The following PCDHA10 variants were observed in gnomAD, a reference collection of about 807,000 sequenced individuals.
PCDHA10 encodes the protein protocadherin alpha 10.
A neutral mutation model predicts 61.2 loss-of-function variants in PCDHA10; 45 were observed. The observed-to-expected ratio is 0.74, with a 90% CI of 0.58 to 0.94. The LOEUF (loss-of-function observed/expected upper bound fraction) is 0.94. PCDHA10 is among the 40% of genes least tolerant of loss of function. The probability of loss-of-function intolerance (pLI) is 0.00; values close to 1 mark genes in which losing one functional copy is unlikely to be tolerated. For synonymous variants in PCDHA10, 602 were observed against 548.8 expected (o/e 1.10, Z -1.35); for missense variants, 1,278 against 1,236.2 (o/e 1.03, Z -0.51).
chr5:140,886,043 T>C (rs977275136), intron 1 of PCDHA10, among the ~76,000 whole-genome samples: 3 of 152,168 alleles, frequency 2.0e-5, no homozygotes, highest in Admixed American at 6.5e-5. Context: ...TTTTCCCCAA[T>C]AGTAACATCT....
intron 1 of PCDHA10, among the ~76,000 whole-genome samples, chr5:140,909,547 C>T (rs2074573960): frequency 1.3e-5 from 2 of 152,278 alleles, no homozygotes; most frequent in Non-Finnish European, 2.9e-5. Context: ...GATGGTGGCA[C>T]TAATCTCTGC....
At chr5:140,875,240 C>A in intron 1 of PCDHA10, 1 of 923,800 alleles carries the variant, frequency 1.1e-6, no homozygotes. Context: ...CTTGTACTTA[C>A]ATAATCAGTC....
chr5:140,857,745 C>T lies in PCDHA10; in HGVS notation c.1697C>T (p.Ala566Val). Residue 566 changes from alanine to valine, a missense_variant, in exon 1 of 4, where the codon GCG (alanine) becomes GTG (valine). Coordinates refer to ENST00000307360, the MANE Select transcript of PCDHA10 (RefSeq NM_018901.4). ...DENDNAPALLASPAGSAGGAV... is the reference protein window; with the variant it reads ...DENDNAPALLVSPAGSAGGAV... Reference sequence around the variant, plus strand: ...AACGACAACGCTCCCGCGCTGCTGGCGTCTCCCGCTGGCAGCGCGGGCGGT... The same window carrying T: ...AACGACAACGCTCCCGCGCTGCTGGTGTCTCCCGCTGGCAGCGCGGGCGGT... 5.0e-6 allele frequency: 8 copies of T among 1,597,310 alleles called. 1 individual carries two copies. Among genetic ancestry groups the T allele is most frequent in the South Asian group, 1.1e-5 (1 of 90,480 alleles).
intron 1 of PCDHA10, chr5:140,869,286 G>C: frequency 6.2e-7 from 1 of 1,613,616 alleles, no homozygotes; most frequent in Non-Finnish European, 8.5e-7. Flanking sequence ...AGCTGGTGCA[G>C]CGCCTGTTCC....
intron 1 of PCDHA10, chr5:140,969,176 G>T (rs1554231542): frequency 6.2e-7 from 1 of 1,614,102 alleles, no homozygotes; most frequent in African/African-American, 1.3e-5. Context: ...CTCAGGGAGT[G>T]ACACTTTCAT....
chr5:140,972,947 C>T (rs1287629621), intron 1 of PCDHA10, among the ~76,000 whole-genome samples: 1 of 152,096 alleles, frequency 6.6e-6, no homozygotes, highest in African/African-American at 2.4e-5. Context: ...CAGATGTGAG[C>T]CACCATGCCC....
rs782647115 is a variant in PCDHA10 at position 140,857,010 on chromosome 5, T to C, written c.962T>C (p.Val321Ala). Residue 321 changes from valine (V) to alanine (A), a missense_variant, in exon 1 of 4, where the codon GTT (valine) becomes GCT (alanine). Physicochemically the swap from Val to Ala is moderately conservative, Grantham distance 64. Transcript: ENST00000307360. ...AACACTTATGAAATTCATGTAGATG[T>C]TACAGATAAGGGAAACCCACCTATG... ...DSNTYEIHVD[V>A]TDKGNPPMVG... 1 of 1,595,968 alleles carries C rather than the reference T, an allele frequency of 6.3e-7. No homozygotes were observed. The highest frequency in any genetic ancestry group is 1.1e-5 in the South Asian group (1 of 90,504).
chr5:140,870,707 G>A, intron 1 of PCDHA10: 1 of 1,613,076 alleles, frequency 6.2e-7, no homozygotes, highest in Non-Finnish European at 8.5e-7. Context: ...TTCCAGGTGA[G>A]CGCGCGCGAT....
chr5:140,962,569 T>A (rs782016565), intron 1 of PCDHA10, among the ~76,000 whole-genome samples: 17 of 152,194 alleles, frequency 1.1e-4, no homozygotes, highest in African/African-American at 1.7e-4. Context: ...TAAAAGCCAA[T>A]TGTTAATGCC....
intron 1 of PCDHA10, among the ~76,000 whole-genome samples, chr5:140,897,735 C>G (rs2066294879): frequency 6.6e-6 from 1 of 152,160 alleles, no homozygotes; most frequent in Non-Finnish European, 1.5e-5. Flanking sequence ...AATAGTATTT[C>G]TAGTTCTAGA....
At chr5:140,902,860 G>C (rs1360454438) in intron 1 of PCDHA10, among the ~76,000 whole-genome samples, 1 of 152,130 alleles carries the variant, frequency 6.6e-6, no homozygotes, top group Non-Finnish European at 1.5e-5. Context: ...ATGGCGTCCA[G>C]GTCCACCCAA....
chr5:140,877,713 T>C (rs2057302382), intron 1 of PCDHA10: 1 of 1,613,318 alleles, frequency 6.2e-7, no homozygotes, highest in African/African-American at 1.3e-5. Flanking sequence ...CCGTGGGGAG[T>C]TGGTCTTACT....
chr5:140,866,460 A>G (rs2049371963), intron 1 of PCDHA10: 1 of 152,148 alleles, frequency 6.6e-6, no homozygotes, highest in Non-Finnish European at 1.5e-5. Context: ...TTGGCTGGGA[A>G]GCTCATAACA....
intron 1 of PCDHA10, chr5:140,877,042 G>C: frequency 6.2e-7 from 1 of 1,612,636 alleles, no homozygotes; most frequent in Non-Finnish European, 8.5e-7. Context: ...GCAGCCGCTA[G>C]ACCACGAGGA....
chr5:140,948,492 A>C (rs915795889), intron 1 of PCDHA10, among the ~76,000 whole-genome samples: 1 of 151,594 alleles, frequency 6.6e-6, no homozygotes, highest in Non-Finnish European at 1.5e-5. Flanking sequence ...AATTTCTTTC[A>C]TAGACTTTCT....
intron 1 of PCDHA10, chr5:140,869,092 A>G (rs782192400): frequency 1.7e-5 from 27 of 1,591,278 alleles, no homozygotes; most frequent in Non-Finnish European, 2.1e-5. Flanking sequence ...TTGGAAGCCA[A>G]TTTCGTATGC....
At chr5:140,963,437 A>G (rs1218824827) in intron 1 of PCDHA10, among the ~76,000 whole-genome samples, 2 of 152,144 alleles carry the variant, frequency 1.3e-5, no homozygotes, top group African/African-American at 4.8e-5. Context: ...CTAACTTCAT[A>G]CTCTGTTGCT....
intron 1 of PCDHA10, among the ~76,000 whole-genome samples, chr5:140,906,204 C>A (rs2072457750): frequency 6.6e-6 from 1 of 152,192 alleles, no homozygotes. Context: ...AGTTGACACT[C>A]AGTATTAACC....
Position 140,929,023 on chromosome 5 carries a change from C to G in PCDHA10, c.2389-49926C>G, listed in dbSNP as rs2085741813. On this transcript the variant is annotated intron_variant, in intron 1 of 3. Transcript: ENST00000307360. ...CGTGTGTACCAAGTTGCACCAGAGCCCAGGCTGTTGCGCTCAGAGCTGCTG... is the reference window on the plus strand; with the variant it reads ...CGTGTGTACCAAGTTGCACCAGAGCGCAGGCTGTTGCGCTCAGAGCTGCTG... 2.5e-6 allele frequency: 4 copies of G among 1,614,056 alleles called. No homozygotes were observed. The Admixed American group carries it at 6.7e-5, about 27-fold the overall frequency.
Sources: allele counts gnomAD v4.1 joint callset (sites outside exome capture counted in the v4.1 genomes callset), GRCh38; gene constraint gnomAD v4.1.1; transcripts MANE v1.5; gene names NCBI Gene and HGNC (gene_info 2026-07-23, HGNC 2026-07-21).